ANO4: variants seen among roughly 807,000 people sequenced by gnomAD.
The protein encoded by ANO4 is anoctamin 4, also known as anoctamin-4.
In ANO4, 69 loss-of-function variants were observed where a neutral mutation model predicts 141.9. That is an observed-to-expected ratio of 0.49 (90% CI 0.40 to 0.59). The LOEUF (loss-of-function observed/expected upper bound fraction) is 0.59, where lower values mean the gene tolerates loss of function less well. ANO4 is among the 20% of genes least tolerant of loss of function. ANO4 has a pLI of 0.00. For missense variants in ANO4, 894 were observed against 1,162.2 expected (o/e 0.77, Z 3.36); for synonymous variants, 350 against 394.3 (o/e 0.89, Z 1.33).
At chr12:101,064,904 A>C (rs1025849916) in intron 14 of ANO4, among the ~76,000 whole-genome samples, 1 of 152,132 alleles carries the variant, frequency 6.6e-6, no homozygotes, top group Admixed American at 6.5e-5. Flanking sequence ...CTTGTTTGGC[A>C]TATCTACACC....
At chr12:100,962,827 G>A (rs570650804) in intron 5 of ANO4, among the ~76,000 whole-genome samples, 2 of 152,264 alleles carry the variant, frequency 1.3e-5, no homozygotes, top group East Asian at 1.9e-4. Context: ...ACGCTGCAAT[G>A]GAAGGAGCCC....
At chr12:101,072,780 G>A (rs1006423726) in intron 14 of ANO4, among the ~76,000 whole-genome samples, 1 of 152,156 alleles carries the variant, frequency 6.6e-6, no homozygotes, top group Non-Finnish European at 1.5e-5. Flanking sequence ...CAAAGGATAT[G>A]AATAGACACT....
rs535755781 is a variant in ANO4 at position 100,899,338 on chromosome 12, C to G, written c.-140-2308C>G. Reference sequence around the variant, plus strand: ...CATCTGTTAGCTCACACTGAGAACCCTAGCTGCCAGGTAGACAGGAACACT... The same window carrying G: ...CATCTGTTAGCTCACACTGAGAACCGTAGCTGCCAGGTAGACAGGAACACT... On this transcript the variant is annotated intron_variant, in intron 1 of 27. Coordinates refer to ENST00000392977, the MANE Select transcript of ANO4 (RefSeq NM_001286615.2). Among the ~76,000 whole-genome samples the G allele has an allele frequency of 2.2e-4, 34 of 152,324 alleles. 1 individual carries two copies. The South Asian group carries it at 4.8e-3, about 21-fold the overall frequency.
chr12:100,806,533 T>TTGTTTC (rs2035054794), intron 1 of ANO4, among the ~76,000 whole-genome samples: 2 of 35,908 alleles, frequency 5.6e-5, no homozygotes, highest in African/African-American at 3.4e-4. Flanking sequence ...CGTTTTTTTT[T>TTGTTTC]TTTTTTTTTT....
At position 101,020,089 on chromosome 12, in the gene ANO4, G is replaced by A. The variant is rs533844889; in HGVS notation, c.790G>A (p.Val264Met). ...CAACAATGCCACAAGAAGTAGAATC[G>A]TGCATCACATTTTACAAAGAATAAA... ...FFNNATRSRI[V>M]HHILQRIKYE... The change falls in exon 9 of 28, where the codon GTG (valine) becomes ATG (methionine). Residue 264 changes from valine (V) to methionine (M), a missense_variant. Transcript: ENST00000392977. 12 of 1,613,520 alleles carry A rather than the reference G, an allele frequency of 7.4e-6. No homozygotes were observed. Among genetic ancestry groups the A allele is most frequent in the Admixed American group, 5.0e-5 (3 of 59,940 alleles).
chr12:100,997,806 A>G (rs1372067223), intron 8 of ANO4, among the ~76,000 whole-genome samples: 1 of 152,158 alleles, frequency 6.6e-6, no homozygotes, highest in Non-Finnish European at 1.5e-5. Flanking sequence ...GCACAGGGTC[A>G]TTGGAGTGGA....
chr12:100,885,648 A>T (rs1405010568), intron 1 of ANO4: 5 of 152,216 alleles, frequency 3.3e-5, no homozygotes, highest in Admixed American at 1.3e-4. Flanking sequence ...ACATGCATTA[A>T]TATATTCATC....
intron 1 of ANO4, among the ~76,000 whole-genome samples, chr12:100,823,848 G>A (rs549938593): frequency 1.3e-5 from 2 of 152,094 alleles, no homozygotes; most frequent in South Asian, 4.1e-4. Context: ...TATGCACAAT[G>A]TGTATTTGAT....
rs1180647408 is a variant in ANO4, at chr12:101,120,523, C to T, written c.2574C>T (p.Tyr858=). The change falls in exon 26 of 28, where the codon TAC becomes TAT. Residue 858 remains tyrosine (Y), a synonymous_variant. Transcript: ENST00000392977. ...ACATTTTTCTGTGTCTTTATAGATA[C>T]CGGGACTACCGTGACCCGCCTCATT... The part of the protein sequence containing the change: ...FSGTPLKYCR[Y]RDYRDPPHSL... The T allele has an allele frequency of 1.9e-6, 3 of 1,613,314 alleles. No individual in the cohort carries two copies. The highest frequency in any genetic ancestry group is 2.5e-6 in the Non-Finnish European group (3 of 1,179,416).
At chr12:101,022,170 T>C (rs2046561240) in intron 9 of ANO4, among the ~76,000 whole-genome samples, 1 of 152,048 alleles carries the variant, frequency 6.6e-6, no homozygotes, top group Non-Finnish European at 1.5e-5. Flanking sequence ...TGAGAGTCAA[T>C]GTATGGGGGT....
At chr12:100,768,143 A>G (rs2033161563) in intron 3 of ANO4, among the ~76,000 whole-genome samples, 1 of 152,106 alleles carries the variant, frequency 6.6e-6, no homozygotes, top group Non-Finnish European at 1.5e-5. Context: ...GGCCTGGGGC[A>G]TGAGTTCATG....
intron 1 of ANO4, among the ~76,000 whole-genome samples, chr12:100,825,729 ATAAT>A (rs2036298678): frequency 6.6e-6 from 1 of 152,100 alleles, no homozygotes; most frequent in Non-Finnish European, 1.5e-5. Flanking sequence ...ATATTTACAC[ATAAT>A]TAACACTAAT....
At position 101,120,590 on chromosome 12, in the gene ANO4, C is replaced by T. The variant is rs149861898; in HGVS notation, c.2641C>T (p.Leu881=). ...YGYTLQFWHV[L]AARLAFIIVF... ...CTACACACTGCAGTTTTGGCATGTC[C>T]TAGCTGCTCGATTAGCTTTTATCAT... Residue 881 remains leucine (L), a synonymous_variant, in exon 26 of 28, where the codon CTA becomes TTA. Coordinates refer to ENST00000392977, the MANE Select transcript of ANO4 (RefSeq NM_001286615.2). 3.7e-6 allele frequency: 6 copies of T among 1,614,046 alleles called. No individual in the cohort carries two copies. The highest frequency in any genetic ancestry group is 3.3e-5 in the South Asian group (3 of 91,066).
intron 8 of ANO4, among the ~76,000 whole-genome samples, chr12:101,008,128 A>T (rs2045944383): frequency 6.6e-6 from 1 of 152,190 alleles, no homozygotes; most frequent in South Asian, 2.1e-4. Flanking sequence ...TCAATTTTTT[A>T]AAATGTTAGT....
At chr12:100,840,619 C>T (rs1361438679) in intron 1 of ANO4, among the ~76,000 whole-genome samples, 1 of 152,090 alleles carries the variant, frequency 6.6e-6, no homozygotes, top group African/African-American at 2.4e-5. Context: ...GAATTAGGAA[C>T]AAAATAAACC....
At chr12:100,993,966 A>G (rs977512769) in intron 8 of ANO4, among the ~76,000 whole-genome samples, 8 of 152,338 alleles carry the variant, frequency 5.3e-5, no homozygotes, top group African/African-American at 1.7e-4. Flanking sequence ...CAGCCTCAGC[A>G]CTAATGGCAC....
chr12:100,772,689 G>C (rs1360701779), intron 3 of ANO4, among the ~76,000 whole-genome samples: 1 of 152,142 alleles, frequency 6.6e-6, no homozygotes, highest in East Asian at 1.9e-4. Flanking sequence ...CGATTAAGTA[G>C]ATACAAAGGA....
At chr12:100,895,561 GTTT>G (rs201323252) in intron 1 of ANO4, among the ~76,000 whole-genome samples, 2 of 131,104 alleles carry the variant, frequency 1.5e-5, no homozygotes. Flanking sequence ...TCTGAGCTTT[GTTT>G]TTTTTTTTTT....
intron 1 of ANO4, among the ~76,000 whole-genome samples, chr12:100,816,437 C>G (rs1474814406): frequency 6.6e-6 from 1 of 151,818 alleles, no homozygotes; most frequent in Non-Finnish European, 1.5e-5. Context: ...CAGCATATTA[C>G]AAAGGCCCTG....
Sources: gnomAD v4.1 joint callset for allele counts (sites outside exome capture counted in the v4.1 genomes callset) on GRCh38, gnomAD v4.1.1 for gene constraint, MANE v1.5 for transcripts, NCBI Gene and HGNC (gene_info 2026-07-23, HGNC 2026-07-21) for gene names.